Variants in SNRPD2 observed in about 807,000 individuals in gnomAD.
SNRPD2 encodes the protein small nuclear ribonucleoprotein D2 polypeptide.
SNRPD2 carries 1 observed loss-of-function variant against 11.5 expected under a neutral mutation model. The ratio of observed to expected loss-of-function variants is 0.09; its 90% CI spans 0.03 to 0.41. The LOEUF is 0.41. SNRPD2 is among the 10% of genes least tolerant of loss of function. The probability of loss-of-function intolerance (pLI) is 0.98; values close to 1 mark genes in which losing one functional copy is unlikely to be tolerated. For synonymous variants in SNRPD2, 63 were observed against 61.5 expected, an observed-to-expected ratio of 1.02 and a Z score of -0.12; for missense variants, 77 against 154.9, an observed-to-expected ratio of 0.50 and a Z score of 2.67.
chr19:45,692,015 T>C, upstream of SNRPD2: 1 of 1,606,336 alleles, frequency 6.2e-7, no homozygotes. Flanking sequence ...AACCAGTAAG[T>C]GGAGGCGTGG....
rs1967453514 is a variant in SNRPD2, at chr19:45,687,983, G to A, written c.183-256C>T. 6.6e-6 allele frequency among the ~76,000 whole-genome samples: 1 copy of A among 152,150 alleles called. No individual in the cohort carries two copies. Among genetic ancestry groups the A allele is most frequent in the African/African-American group, 2.4e-5 (1 of 41,448 alleles). On this transcript the variant is annotated intron_variant, in intron 2 of 2. Coordinates refer to ENST00000342669, the MANE Select transcript of SNRPD2 (RefSeq NM_001384647.1). This position sits in a 1 kb window ranked among gnomAD's most constrained non-coding sequence, Gnocchi z 4.1. Reference sequence around the variant, plus strand: ...ACGTTACCTTCCTCACAGGGCCATTGAAAATTATCATTTTCTTTTTTGAGA... The same window carrying A: ...ACGTTACCTTCCTCACAGGGCCATTAAAAATTATCATTTTCTTTTTTGAGA...
In SNRPD2 at chr19:45,689,136, T is replaced by A. The variant is rs541756155; in HGVS notation, c.3-570A>T. ...CCCATCTGCTTTGATGGTAACTCCA[T>A]CCTTCTAGTTCTCTGGGCAAAAACT... On this transcript the variant is annotated intron_variant, in intron 1 of 2. Transcript: ENST00000342669. The A allele has an allele frequency of 4.1e-4, 207 of 509,912 alleles. 2 individuals are homozygous for A. Among genetic ancestry groups the A allele is most frequent in the Non-Finnish European group, 6.6e-4 (168 of 254,646 alleles). 31.6% of individuals were successfully genotyped at this position (509,912 alleles called of 1,614,324 possible).
intron 1 of SNRPD2, chr19:45,689,271 T>C (rs771624751): frequency 5.8e-6 from 3 of 520,178 alleles, no homozygotes; most frequent in Non-Finnish European, 1.2e-5. Context: ...CTGGAATCTT[T>C]CTGGTCTCTC....
rs1967573368 is a variant in SNRPD2, at chr19:45,691,944, G to GGA, written c.-58_-57dup. On this transcript the variant is annotated 5_prime_UTR_variant, in exon 1 of 3. Transcript: ENST00000342669. ...TTTCCTCCGCGTTGCTGCTGCCTGA[G>GGA]GAGAGAGAGGCGGGACTTCCTCTTC... 5.0e-6 allele frequency: 8 copies of GGA among 1,613,786 alleles called. No homozygotes were observed. The South Asian group carries it at 8.8e-5, about 18-fold the overall frequency.
upstream of SNRPD2, chr19:45,692,236 A>G (rs1967581044): frequency 2.6e-6 from 1 of 383,142 alleles, no homozygotes; most frequent in Admixed American, 3.9e-5. Context: ...GCCGGCCGTG[A>G]CTTCGGGGGC....
Position 45,688,251 on chromosome 19 carries a change from G to A in SNRPD2, c.182+136C>T. The A allele has an allele frequency of 1.4e-6, 1 of 705,796 alleles. No individual in the cohort carries two copies. Among genetic ancestry groups the A allele is most frequent in the Non-Finnish European group, 2.4e-6 (1 of 416,436 alleles). The allele number at this position is 705,796 out of a possible 1,614,324, so 43.7% of individuals were successfully genotyped here. On this transcript the variant is annotated intron_variant, in intron 2 of 2. Transcript: ENST00000342669. This position sits in a 1 kb window ranked among gnomAD's most constrained non-coding sequence, Gnocchi z 4.1. ...ACCCGCCTTGCCTTCCCAAAGTGCT[G>A]GGATTACAGGCATGAGCCACCACGC...
intron 1 of SNRPD2, 119 bp downstream of exon 1, chr19:45,691,768 C>A: frequency 8.0e-7 from 1 of 1,256,608 alleles, no homozygotes; most frequent in East Asian, 2.3e-5. Flanking sequence ...AAGCAGGACG[C>A]TGCATCCCTA....
chr19:45,689,914 C>G (rs528168079), intron 1 of SNRPD2, among the ~76,000 whole-genome samples: 1 of 152,008 alleles, frequency 6.6e-6, no homozygotes, highest in East Asian at 1.9e-4. Flanking sequence ...GCGCATCCCT[C>G]TAGTCCCAGC....
At chr19:45,691,025 A>C (rs899597168) in intron 1 of SNRPD2, among the ~76,000 whole-genome samples, 2 of 152,120 alleles carry the variant, frequency 1.3e-5, no homozygotes, top group Non-Finnish European at 2.9e-5. Context: ...GTTGTGAATC[A>C]AGTCGAAAAC....
At chr19:45,690,281 G>C (rs1489767148) in intron 1 of SNRPD2, among the ~76,000 whole-genome samples, 1 of 136,598 alleles carries the variant, frequency 7.3e-6, no homozygotes, top group East Asian at 2.3e-4. Flanking sequence ...GCAGTGAGCC[G>C]AGATTGCGCC....
Position 45,687,782 on chromosome 19 carries a change from T to C in SNRPD2, c.183-55A>G, listed in dbSNP as rs1967448771. 8.7e-6 allele frequency: 12 copies of C among 1,372,864 alleles called. No homozygotes were observed. The highest frequency in any genetic ancestry group is 1.2e-5 in the Non-Finnish European group (12 of 969,932). The allele number at this position is 1,372,864 out of a possible 1,614,324, so 85.0% of individuals were successfully genotyped here. ...GGCGTGAGGGGCGTGCCTCTGACAGTGCCCCCTACTGCCTGCTGCTCGCCC... is the reference window on the plus strand; with the variant it reads ...GGCGTGAGGGGCGTGCCTCTGACAGCGCCCCCTACTGCCTGCTGCTCGCCC... On this transcript the variant is annotated intron_variant, in intron 2 of 2. Coordinates refer to ENST00000342669, the MANE Select transcript of SNRPD2 (RefSeq NM_001384647.1). The surrounding 1 kb of genome is among the most constrained non-coding windows in gnomAD (Gnocchi z 4.1).
intron 1 of SNRPD2, 88 bp downstream of exon 1, chr19:45,691,799 C>G (rs1967564632): frequency 4.6e-6 from 7 of 1,526,348 alleles, no homozygotes; most frequent in Middle Eastern, 1.7e-4. Context: ...CCCTGCCCCC[C>G]CCGCTCTGCT....
rs1967466337 is a variant in SNRPD2, at chr19:45,688,588, C to T, written c.3-22G>A. The T allele has an allele frequency of 6.2e-7, 1 of 1,603,350 alleles. No individual in the cohort carries two copies. Among genetic ancestry groups the T allele is most frequent in the African/African-American group, 1.3e-5 (1 of 74,692 alleles). ...GCTCCTGCATGGACAAACATGGAACCAATAAGTGAGAGAGGCTGGAGTTGA... is the reference window on the plus strand; with the variant it reads ...GCTCCTGCATGGACAAACATGGAACTAATAAGTGAGAGAGGCTGGAGTTGA... On this transcript the variant is annotated intron_variant, in intron 1 of 2. Coordinates refer to ENST00000342669, the MANE Select transcript of SNRPD2 (RefSeq NM_001384647.1). The surrounding 1 kb of genome is among the most constrained non-coding windows in gnomAD (Gnocchi z 4.1).
Position 45,687,767 on chromosome 19 carries a change from G to C in SNRPD2, c.183-40C>G. The C allele has an allele frequency of 6.5e-7, 1 of 1,537,518 alleles. No homozygotes were observed. Among genetic ancestry groups the C allele is most frequent in the South Asian group, 1.1e-5 (1 of 89,136 alleles). On this transcript the variant is annotated intron_variant, in intron 2 of 2. Transcript: ENST00000342669. This position sits in a 1 kb window ranked among gnomAD's most constrained non-coding sequence, Gnocchi z 4.1. Reference sequence around the variant, plus strand: ...GGAGGGGAGGCACTGGGCGTGAGGGGCGTGCCTCTGACAGTGCCCCCTACT... The same window carrying C: ...GGAGGGGAGGCACTGGGCGTGAGGGCCGTGCCTCTGACAGTGCCCCCTACT...
upstream of SNRPD2, chr19:45,692,046 C>A: frequency 6.3e-7 from 1 of 1,579,818 alleles, no homozygotes; most frequent in Admixed American, 1.7e-5. Context: ...CAGCATTCCC[C>A]ACCAACGGTG....
chr19:45,689,727 T>A (rs1324999463), intron 1 of SNRPD2, among the ~76,000 whole-genome samples: 1 of 151,036 alleles, frequency 6.6e-6, no homozygotes, highest in Non-Finnish European at 1.5e-5. Context: ...AATAAATAAA[T>A]ACAAATTAGA....
rs540280194 is a variant in SNRPD2 at position 45,688,043 on chromosome 19, G to C, written c.183-316C>G. On this transcript the variant is annotated intron_variant, in intron 2 of 2. Transcript: ENST00000342669. This position sits in a 1 kb window ranked among gnomAD's most constrained non-coding sequence, Gnocchi z 4.1. ...ACTCTGTTGCCCAGGCTGCAATGCA[G>C]TGGTGCGATTTCAGCTCACCACAAC... 4.6e-5 allele frequency among the ~76,000 whole-genome samples: 7 copies of C among 152,336 alleles called. No individual in the cohort carries two copies. Among genetic ancestry groups the C allele is most frequent in the African/African-American group, 1.7e-4 (7 of 41,576 alleles).
chr19:45,691,797 C>CG (rs1967564507), intron 1 of SNRPD2, 90 bp downstream of exon 1: 2 of 1,511,236 alleles, frequency 1.3e-6, no homozygotes, highest in Non-Finnish European at 1.8e-6. Context: ...GCCCCTGCCC[C>CG]CCCCGCTCTG....
In SNRPD2 at chr19:45,688,750, T is replaced by G. The variant is rs1434209132; in HGVS notation, c.3-184A>C. 1.3e-5 allele frequency among the ~76,000 whole-genome samples: 2 copies of G among 151,922 alleles called. No homozygotes were observed. Among genetic ancestry groups the G allele is most frequent in the Non-Finnish European group, 2.9e-5 (2 of 67,968 alleles). On this transcript the variant is annotated intron_variant, in intron 1 of 2. Transcript: ENST00000342669. This position sits in a 1 kb window ranked among gnomAD's most constrained non-coding sequence, Gnocchi z 4.1. ...GCCTAACAGACATTTTTTTTTTTTTTGAGACGGAGTCTTGATCTGTTGCCC... is the reference window on the plus strand; with the variant it reads ...GCCTAACAGACATTTTTTTTTTTTTGGAGACGGAGTCTTGATCTGTTGCCC...
Sources: allele counts gnomAD v4.1 joint callset (sites outside exome capture counted in the v4.1 genomes callset), GRCh38; gene constraint gnomAD v4.1.1; non-coding constraint Gnocchi (gnomAD v3.1); transcripts MANE v1.5; gene names NCBI Gene and HGNC (gene_info 2026-07-23, HGNC 2026-07-21).